Variants in GAB1 observed in about 807,000 individuals in gnomAD.
GAB1 encodes the protein GRB2 associated binding protein 1.
A neutral mutation model predicts 66.5 loss-of-function variants in GAB1; 19 were observed. The ratio of observed to expected loss-of-function variants is 0.29; its 90% CI spans 0.20 to 0.42. The LOEUF is 0.42. Among genes scored for constraint, GAB1 ranks in the 10% least tolerant of loss-of-function variants. The pLI, the probability that GAB1 is intolerant of heterozygous loss-of-function variation, is 1.00. For synonymous variants in GAB1, 294 were observed against 301.4 expected (o/e 0.98, Z 0.25); for missense variants, 732 against 858.5 (o/e 0.85, Z 1.84).
At position 143,413,824 on chromosome 4, in the gene GAB1, C is replaced by CTTTTTTTT. The variant is rs35422180; in HGVS notation, c.73-1636_73-1629dup. On this transcript the variant is annotated intron_variant, in intron 1 of 9. Transcript: ENST00000262994. ...AGAGCATCCCCACCACCCCGCTGCC[C>CTTTTTTTT]TTTTTTTTTTTTTTTTTTTTTTTTG... Among the ~76,000 whole-genome samples the CTTTTTTTT allele has an allele frequency of 4.3e-3, 290 of 67,826 alleles. 4 individuals are homozygous for CTTTTTTTT. The highest frequency in any genetic ancestry group is 7.2e-3 in the African/African-American group (76 of 10,616). The allele number at this position is 67,826 out of a possible 152,430, so 44.5% of individuals were successfully genotyped here.
chr4:143,460,024 C>CGTGT (rs28925943), intron 7 of GAB1, among the ~76,000 whole-genome samples: 21 of 150,888 alleles, frequency 1.4e-4, no homozygotes, highest in South Asian at 4.2e-4. Context: ...GTTCATGTTT[C>CGTGT]GTGTGTGTGT....
At chr4:143,404,994 T>C (rs1428963925) in intron 1 of GAB1, among the ~76,000 whole-genome samples, 1 of 152,186 alleles carries the variant, frequency 6.6e-6, no homozygotes, top group Non-Finnish European at 1.5e-5. Context: ...TGCAGGAAAA[T>C]TTTATGTCTT....
At chr4:143,396,936 G>A (rs1419064546) in intron 1 of GAB1, among the ~76,000 whole-genome samples, 2 of 152,178 alleles carry the variant, frequency 1.3e-5, no homozygotes, top group Admixed American at 1.3e-4. Flanking sequence ...CACAGAGAAA[G>A]GCAGAGAGTG....
At chr4:143,446,177 T>C (rs1038740874) in intron 6 of GAB1, among the ~76,000 whole-genome samples, 10 of 152,136 alleles carry the variant, frequency 6.6e-5, no homozygotes, top group African/African-American at 9.7e-5. Context: ...CCACATTTTC[T>C]TAATCCAGTC....
At chr4:143,380,089 C>G (rs12650509) in intron 1 of GAB1, among the ~76,000 whole-genome samples, 2 of 150,082 alleles carry the variant, frequency 1.3e-5, no homozygotes, top group East Asian at 1.9e-4. Flanking sequence ...CTGGTTAAGT[C>G]TAAGAGATCA....
intron 6 of GAB1, among the ~76,000 whole-genome samples, chr4:143,453,780 A>G (rs1468500555): frequency 6.6e-6 from 1 of 152,206 alleles, no homozygotes; most frequent in Non-Finnish European, 1.5e-5. Flanking sequence ...TTTAAATTCT[A>G]GCTCTACCAG....
chr4:143,403,028 C>T (rs1021215730), intron 1 of GAB1, among the ~76,000 whole-genome samples: 11 of 152,336 alleles, frequency 7.2e-5, no homozygotes, highest in African/African-American at 2.6e-4. Context: ...GGGTTTCTAA[C>T]ATGTTGAAAG....
chr4:143,350,954 G>T (rs1259477272), intron 1 of GAB1, among the ~76,000 whole-genome samples: 1 of 152,116 alleles, frequency 6.6e-6, no homozygotes, highest in Non-Finnish European at 1.5e-5. Context: ...CCCTCGCAGG[G>T]CATGCAATGG....
chr4:143,386,629 C>T (rs1347251370), intron 1 of GAB1, among the ~76,000 whole-genome samples: 1 of 152,182 alleles, frequency 6.6e-6, no homozygotes. Context: ...CTCAAGCAAT[C>T]CATCTACCTC....
chr4:143,337,808 G>A (rs548490723), intron 1 of GAB1, among the ~76,000 whole-genome samples: 6 of 152,134 alleles, frequency 3.9e-5, no homozygotes, highest in Non-Finnish European at 8.8e-5. Flanking sequence ...CGCGCAAAAG[G>A]GAAAGAAAGA....
Position 143,472,798 on chromosome 4 carries a change from CAGTG to C in GAB1, c.*3612_*3615del, listed in dbSNP as rs1178967758. 6.6e-6 allele frequency: 1 copy of C among 152,078 alleles called. No homozygotes were observed. Among genetic ancestry groups the C allele is most frequent in the South Asian group, 2.1e-4 (1 of 4,828 alleles). 9.4% of individuals were successfully genotyped at this position (152,078 alleles called of 1,614,324 possible). On this transcript the variant is annotated 3_prime_UTR_variant, in exon 10 of 10. Coordinates refer to ENST00000262994, the MANE Select transcript of GAB1 (RefSeq NM_002039.4). The stretch of plus-strand genomic sequence containing the variant: ...TATGAACAAATTAAGTGGATACACA[CAGTG>C]AGAAAGATACATGCATTCTATGGTA...
rs1428458832 is a variant in GAB1 at position 143,438,173 on chromosome 4, C to T, written c.768C>T (p.Ser256=). ...PSRAPSASVD[S]SLYNLPRSYS... Reference sequence around the variant, plus strand: ...GTGCCCCATCTGCTTCAGTTGACTCCAGCCTTTATAACCTGCCCAGGAGTT... The same window carrying T: ...GTGCCCCATCTGCTTCAGTTGACTCTAGCCTTTATAACCTGCCCAGGAGTT... Residue 256 remains serine, a synonymous_variant, in exon 4 of 10, where the codon TCC becomes TCT. Coordinates refer to ENST00000262994, the MANE Select transcript of GAB1 (RefSeq NM_002039.4). The T allele has an allele frequency of 6.2e-7, 1 of 1,614,010 alleles. No individual in the cohort carries two copies. Among genetic ancestry groups the T allele is most frequent in the East Asian group, 2.2e-5 (1 of 44,872 alleles).
intron 1 of GAB1, among the ~76,000 whole-genome samples, chr4:143,358,974 C>T (rs982468226): frequency 4.6e-5 from 7 of 152,214 alleles, no homozygotes; most frequent in Non-Finnish European, 1.0e-4. Flanking sequence ...ACTTGTCCTG[C>T]TGTCAGCTTG....
intron 1 of GAB1, among the ~76,000 whole-genome samples, chr4:143,401,893 T>G (rs950771016): frequency 6.6e-6 from 1 of 152,202 alleles, no homozygotes; most frequent in Non-Finnish European, 1.5e-5. Flanking sequence ...TAAAATAAAT[T>G]TGTTAAAGTA....
chr4:143,385,386 A>T (rs779503619), intron 1 of GAB1, among the ~76,000 whole-genome samples: 2 of 152,180 alleles, frequency 1.3e-5, no homozygotes, highest in Non-Finnish European at 2.9e-5. Context: ...TCATGTACTG[A>T]GCTAAACTCG....
In GAB1 at chr4:143,373,864, A is replaced by ATATAT. The variant is rs1553945752; in HGVS notation, c.72+36604_72+36605insTATAT. ...CTCTCTCTCTCTCTCTCTGTAAATA[A>ATATAT]ATAAATATATATATATATATATTTT... On this transcript the variant is annotated intron_variant, in intron 1 of 9. Transcript: ENST00000262994. Among the ~76,000 whole-genome samples, 53 of 50,844 alleles carry ATATAT rather than the reference A, an allele frequency of 1.0e-3. 2 individuals are homozygous for ATATAT. The highest frequency in any genetic ancestry group is 5.3e-3 in the African/African-American group (51 of 9,672). The allele number at this position is 50,844 out of a possible 152,430, so 33.4% of individuals were successfully genotyped here.
At chr4:143,363,776 T>C (rs1389057706) in intron 1 of GAB1, among the ~76,000 whole-genome samples, 1 of 152,220 alleles carries the variant, frequency 6.6e-6, no homozygotes, top group Non-Finnish European at 1.5e-5. Flanking sequence ...TGTTTTTTAA[T>C]GCTGCCTTTG....
intron 1 of GAB1, among the ~76,000 whole-genome samples, chr4:143,384,840 G>A (rs570911170): frequency 3.2e-4 from 48 of 152,330 alleles, no homozygotes; most frequent in African/African-American, 1.1e-3. Flanking sequence ...TGGCATCCTT[G>A]AAGTCTTTCA....
intron 1 of GAB1, among the ~76,000 whole-genome samples, chr4:143,411,922 T>C (rs557624741): frequency 5.3e-5 from 8 of 152,190 alleles, no homozygotes; most frequent in Non-Finnish European, 8.8e-5. Flanking sequence ...AACATTCACA[T>C]TTGGACCATG....
Sources: gnomAD v4.1 joint callset for allele counts (sites outside exome capture counted in the v4.1 genomes callset) on GRCh38, gnomAD v4.1.1 for gene constraint, MANE v1.5 for transcripts, NCBI Gene and HGNC (gene_info 2026-07-23, HGNC 2026-07-21) for gene names.